The following NPAS3 variants were observed in gnomAD, a reference collection of about 807,000 sequenced individuals.
The protein encoded by NPAS3 is neuronal PAS domain protein 3.
Under a neutral mutation model 73.1 loss-of-function variants are expected in NPAS3, and 14 were observed. The ratio of observed to expected loss-of-function variants is 0.19; its 90% CI spans 0.13 to 0.30. The LOEUF is 0.30. NPAS3 is among the 10% of genes least tolerant of loss of function. The pLI, the probability that NPAS3 is intolerant of heterozygous loss-of-function variation, is 1.00. For missense variants in NPAS3, 1,096 were observed against 1,250.0 expected, an observed-to-expected ratio of 0.88 and a Z score of 1.86; for synonymous variants, 620 against 541.5, an observed-to-expected ratio of 1.14 and a Z score of -2.01.
intron 3 of NPAS3, among the ~76,000 whole-genome samples, chr14:33,261,640 C>T (rs1261785995): frequency 6.6e-6 from 1 of 152,058 alleles, no homozygotes; most frequent in African/African-American, 2.4e-5. Flanking sequence ...AGAATCTAAA[C>T]CTGTTAAGTA....
intron 7 of NPAS3, among the ~76,000 whole-genome samples, chr14:33,747,088 G>A (rs941222911): frequency 1.3e-5 from 2 of 151,940 alleles, no homozygotes; most frequent in African/African-American, 2.4e-5. Context: ...CCATTACTGG[G>A]TATATACCCA....
intron 6 of NPAS3, among the ~76,000 whole-genome samples, chr14:33,719,178 G>A (rs376494160): frequency 2.6e-5 from 4 of 152,196 alleles, no homozygotes; most frequent in South Asian, 4.1e-4. Context: ...CAATTCCGTG[G>A]CATATGTCCA....
intron 7 of NPAS3, among the ~76,000 whole-genome samples, chr14:33,736,961 C>T (rs2061538969): frequency 6.6e-6 from 1 of 152,180 alleles, no homozygotes; most frequent in African/African-American, 2.4e-5. Flanking sequence ...CGGCAATATG[C>T]TGGGCATGAT....
intron 2 of NPAS3, among the ~76,000 whole-genome samples, chr14:33,201,598 G>A (rs542394199): frequency 2.6e-5 from 4 of 152,326 alleles, no homozygotes; most frequent in South Asian, 2.1e-4. Context: ...CATGTATAGC[G>A]TCCTGTGACA....
At chr14:33,801,862 G>GA (rs536213920), downstream of NPAS3, 3,141 of 145,076 alleles carry the variant, frequency 0.022, 98 homozygotes, top group African/African-American at 0.07. Flanking sequence ...GGTTTTGGGG[G>GA]AAAAAAAAAA....
chr14:32,991,684 G>A (rs951381351), intron 1 of NPAS3, among the ~76,000 whole-genome samples: 7 of 152,130 alleles, frequency 4.6e-5, no homozygotes, highest in Admixed American at 2.6e-4. Flanking sequence ...AGTTTAAAGC[G>A]ATTTGGATTA....
chr14:33,251,290 T>C (rs2048575391), intron 3 of NPAS3, among the ~76,000 whole-genome samples: 1 of 152,160 alleles, frequency 6.6e-6, no homozygotes, highest in African/African-American at 2.4e-5. Flanking sequence ...TGTCTGTGAA[T>C]GAGTTAAGGG....
intron 1 of NPAS3, among the ~76,000 whole-genome samples, chr14:32,977,549 T>C (rs149805005): frequency 4.6e-5 from 7 of 152,094 alleles, no homozygotes; most frequent in African/African-American, 1.7e-4. Flanking sequence ...CTGGGCAACA[T>C]AGAAAGACCG....
At chr14:33,678,921 T>C (rs902604370) in intron 6 of NPAS3, among the ~76,000 whole-genome samples, 6 of 152,304 alleles carry the variant, frequency 3.9e-5, no homozygotes, top group Admixed American at 6.5e-5. Context: ...GGTACACTAG[T>C]AGAACACAGT....
chr14:33,684,986 G>GAAGA (rs1161804773), intron 6 of NPAS3, among the ~76,000 whole-genome samples: 1 of 152,194 alleles, frequency 6.6e-6, no homozygotes, highest in Non-Finnish European at 1.5e-5. Context: ...TCTATTAGTA[G>GAAGA]AAGAATTAGC....
chr14:33,034,185 AT>A (rs1326620875), intron 1 of NPAS3, among the ~76,000 whole-genome samples: 1 of 152,016 alleles, frequency 6.6e-6, no homozygotes, highest in African/African-American at 2.4e-5. Flanking sequence ...CAGAATTTAG[AT>A]TTGAAAATAT....
chr14:33,637,331 T>G (rs1339655212), intron 5 of NPAS3, among the ~76,000 whole-genome samples: 4 of 152,230 alleles, frequency 2.6e-5, no homozygotes, highest in South Asian at 2.1e-4. Flanking sequence ...AAAGATGACC[T>G]AATAATCATC....
At chr14:33,263,519 G>A (rs940249563) in intron 3 of NPAS3, among the ~76,000 whole-genome samples, 12 of 152,188 alleles carry the variant, frequency 7.9e-5, no homozygotes, top group Non-Finnish European at 1.6e-4. Flanking sequence ...TTTGGTTACT[G>A]TAGCCTTGTA....
intron 5 of NPAS3, among the ~76,000 whole-genome samples, chr14:33,659,809 G>A (rs1158300408): frequency 6.6e-6 from 1 of 152,084 alleles, no homozygotes; most frequent in Non-Finnish European, 1.5e-5. Flanking sequence ...TTTGTTTTGT[G>A]TTGTGCTTAG....
chr14:33,458,281 CA>C (rs1447210458), intron 4 of NPAS3, among the ~76,000 whole-genome samples: 1 of 152,118 alleles, frequency 6.6e-6, no homozygotes, highest in Non-Finnish European at 1.5e-5. Flanking sequence ...AAAGAAATTC[CA>C]AAAACATTTA....
intron 2 of NPAS3, among the ~76,000 whole-genome samples, chr14:33,106,023 G>A (rs1291071370): frequency 6.6e-6 from 1 of 152,136 alleles, no homozygotes; most frequent in East Asian, 1.9e-4. Flanking sequence ...AACCAAACAT[G>A]AATACCAGCT....
At chr14:33,067,799 A>G (rs1000017296) in intron 2 of NPAS3, among the ~76,000 whole-genome samples, 1 of 152,228 alleles carries the variant, frequency 6.6e-6, no homozygotes. Flanking sequence ...ACTCCAAAAT[A>G]GAACTTGGGG....
chr14:33,738,738 G>A (rs2061585062), intron 7 of NPAS3, among the ~76,000 whole-genome samples: 1 of 152,176 alleles, frequency 6.6e-6, no homozygotes, highest in African/African-American at 2.4e-5. Context: ...ATCCGGACCA[G>A]CCACTTTTTA....
At chr14:33,486,305 C>T (rs925161510) in intron 4 of NPAS3, among the ~76,000 whole-genome samples, 17 of 152,084 alleles carry the variant, frequency 1.1e-4, no homozygotes, top group African/African-American at 3.4e-4. Flanking sequence ...TTCTTTCTCC[C>T]GGCGTCCTCA....
Sources: allele counts gnomAD v4.1 joint callset (sites outside exome capture counted in the v4.1 genomes callset), GRCh38; gene constraint gnomAD v4.1.1; transcripts MANE v1.5; gene names NCBI Gene and HGNC (gene_info 2026-07-23, HGNC 2026-07-21).